The following NTM variants were observed in gnomAD, a reference collection of about 807,000 sequenced individuals.
The protein encoded by NTM is neurotrimin, also known as IgLON family member 2.
A neutral mutation model predicts 42.1 loss-of-function variants in NTM; 13 were observed. The observed-to-expected ratio is 0.31, with a 90% CI of 0.20 to 0.49. The LOEUF (loss-of-function observed/expected upper bound fraction) is 0.49. Ranked by LOEUF, NTM falls within the 20% of genes least tolerant of loss-of-function variation. NTM has a pLI of 0.99. For synonymous variants in NTM, 187 were observed against 179.2 expected, an observed-to-expected ratio of 1.04 and a Z score of -0.35; for missense variants, 373 against 452.8, an observed-to-expected ratio of 0.82 and a Z score of 1.60.
intron 2 of NTM, among the ~76,000 whole-genome samples, chr11:132,062,627 G>C (rs972902093): frequency 4.0e-4 from 61 of 152,190 alleles, no homozygotes; most frequent in African/African-American, 1.4e-3. Context: ...TAGCTATTTA[G>C]GATTGTAGAT....
At chr11:131,985,464 C>T (rs2065912340) in intron 2 of NTM, among the ~76,000 whole-genome samples, 2 of 152,170 alleles carry the variant, frequency 1.3e-5, no homozygotes, top group Admixed American at 1.3e-4. Context: ...GTAACAACAG[C>T]TCTCCATCCT....
At chr11:132,037,707 A>T (rs1376940735) in intron 2 of NTM, among the ~76,000 whole-genome samples, 1 of 152,174 alleles carries the variant, frequency 6.6e-6, no homozygotes, top group Non-Finnish European at 1.5e-5. Flanking sequence ...TGAGTCATTA[A>T]CACGCTCTCC....
At chr11:131,894,654 G>GC (rs1465767544) in intron 1 of NTM, among the ~76,000 whole-genome samples, 1 of 152,074 alleles carries the variant, frequency 6.6e-6, no homozygotes, top group African/African-American at 2.4e-5. Context: ...TGACCAACTG[G>GC]CTGTCCATCG....
intron 4 of NTM, among the ~76,000 whole-genome samples, chr11:132,246,341 C>A (rs1401925590): frequency 6.6e-6 from 1 of 152,210 alleles, no homozygotes; most frequent in African/African-American, 2.4e-5. Flanking sequence ...CGTTCTATAT[C>A]TCTTGGCTTT....
intron 1 of NTM, among the ~76,000 whole-genome samples, chr11:131,870,591 T>C (rs796450454): frequency 1.3e-5 from 2 of 152,266 alleles, no homozygotes; most frequent in African/African-American, 2.4e-5. Flanking sequence ...TCTGAGCAGC[T>C]TCTCTCACCC....
intron 1 of NTM, among the ~76,000 whole-genome samples, chr11:131,664,741 C>T (rs1191818784): frequency 7.0e-6 from 1 of 143,294 alleles, no homozygotes; most frequent in Non-Finnish European, 1.5e-5. Flanking sequence ...GGGGCCACTG[C>T]TCTCTTCCAT....
At chr11:132,043,401 T>C (rs960646307) in intron 2 of NTM, among the ~76,000 whole-genome samples, 1 of 152,210 alleles carries the variant, frequency 6.6e-6, no homozygotes, top group East Asian at 1.9e-4. Context: ...GCATTTCAGC[T>C]AAGATGAGGG....
chr11:131,908,838 C>G (rs1054819340), intron 1 of NTM, among the ~76,000 whole-genome samples: 1 of 152,188 alleles, frequency 6.6e-6, no homozygotes, highest in African/African-American at 2.4e-5. Context: ...TGGACTAGTG[C>G]TAAAGTAGGT....
Position 132,112,221 on chromosome 11 carries a change from A to G in NTM, c.168-34061A>G, listed in dbSNP as rs561367555. 3.7e-3 allele frequency among the ~76,000 whole-genome samples: 566 copies of G among 152,236 alleles called. 2 individuals are homozygous for G. Among genetic ancestry groups the G allele is most frequent in the African/African-American group, 7.3e-3 (305 of 41,558 alleles). ...ATTGGAGCATCTTAAACAGACCACA[A>G]TTGAATCAGTCTTGCCACCATTTGT... On this transcript the variant is annotated intron_variant, in intron 2 of 8. Coordinates refer to ENST00000683400, the MANE Select transcript of NTM (RefSeq NM_001352005.2).
intron 2 of NTM, among the ~76,000 whole-genome samples, chr11:131,992,447 A>G (rs1208172804): frequency 6.6e-6 from 1 of 151,796 alleles, no homozygotes; most frequent in African/African-American, 2.4e-5. Context: ...CCTCACCCCC[A>G]CATTGTTCGA....
chr11:132,277,321 T>C (rs956875933), intron 4 of NTM, among the ~76,000 whole-genome samples: 1 of 152,184 alleles, frequency 6.6e-6, no homozygotes, highest in Non-Finnish European at 1.5e-5. Flanking sequence ...TGGATGTTTT[T>C]CTAAGAAAAG....
chr11:131,520,507 A>T (rs1442549713), intron 1 of NTM, among the ~76,000 whole-genome samples: 2 of 152,172 alleles, frequency 1.3e-5, no homozygotes, highest in African/African-American at 2.4e-5. Context: ...TGTCCAGCAT[A>T]CTTCTGTGGT....
At chr11:131,621,070 T>C (rs1472794906) in intron 1 of NTM, among the ~76,000 whole-genome samples, 4 of 152,170 alleles carry the variant, frequency 2.6e-5, no homozygotes, top group African/African-American at 9.7e-5. Context: ...ATGTAGCATG[T>C]GAGAGCAGGA....
At chr11:132,206,062 C>A (rs1053470742) in intron 3 of NTM, among the ~76,000 whole-genome samples, 2 of 152,156 alleles carry the variant, frequency 1.3e-5, no homozygotes, top group African/African-American at 4.8e-5. Flanking sequence ...CATGGCTCTC[C>A]AATCCATCCC....
chr11:131,748,734 T>G (rs2082127002), intron 1 of NTM, among the ~76,000 whole-genome samples: 1 of 152,190 alleles, frequency 6.6e-6, no homozygotes, highest in African/African-American at 2.4e-5. Context: ...TCCGATGTGC[T>G]TTTTCAGAAT....
At chr11:131,484,654 T>C (rs1331012530) in intron 1 of NTM, among the ~76,000 whole-genome samples, 1 of 152,150 alleles carries the variant, frequency 6.6e-6, no homozygotes, top group Non-Finnish European at 1.5e-5. Flanking sequence ...CACTGCCCCT[T>C]TCCCAGGAGC....
At chr11:132,059,010 A>C (rs1417570016) in intron 2 of NTM, among the ~76,000 whole-genome samples, 2 of 152,174 alleles carry the variant, frequency 1.3e-5, no homozygotes. Context: ...CTGTTTAAGA[A>C]CTCCTTTCAC....
At chr11:132,156,113 C>T (rs1451012469) in intron 3 of NTM, among the ~76,000 whole-genome samples, 1 of 152,208 alleles carries the variant, frequency 6.6e-6, no homozygotes, top group Non-Finnish European at 1.5e-5. Flanking sequence ...CATTTCTGCA[C>T]TTGTAGCCTG....
At chr11:132,169,156 T>C (rs2075737331) in intron 3 of NTM, among the ~76,000 whole-genome samples, 1 of 151,944 alleles carries the variant, frequency 6.6e-6, no homozygotes, top group Non-Finnish European at 1.5e-5. Context: ...ATTCTTGTTT[T>C]CTCTTACTGT....
Sources: allele counts gnomAD v4.1 joint callset (sites outside exome capture counted in the v4.1 genomes callset), GRCh38; gene constraint gnomAD v4.1.1; transcripts MANE v1.5; gene names NCBI Gene and HGNC (gene_info 2026-07-23, HGNC 2026-07-21).